Variants in NPAS3 observed in about 807,000 individuals in gnomAD.
The protein encoded by NPAS3 is neuronal PAS domain-containing protein 3.
NPAS3 carries 14 observed loss-of-function variants against 73.1 expected under a neutral mutation model. The ratio of observed to expected loss-of-function variants is 0.19; its 90% confidence interval spans 0.13 to 0.30. The LOEUF is 0.30. NPAS3 is among the 10% of genes least tolerant of loss of function. The pLI is 1.00. For synonymous variants in NPAS3, 620 were observed against 541.5 expected (o/e 1.14, Z -2.01); for missense variants, 1,096 against 1,250.0 (o/e 0.88, Z 1.86).
intron 8 of NPAS3, among the ~76,000 whole-genome samples, chr14:33,775,694 C>A (rs2062791672): frequency 6.6e-6 from 1 of 152,232 alleles, no homozygotes; most frequent in Admixed American, 6.5e-5. Flanking sequence ...AACTCTGAAT[C>A]TGCATTTCAA....
At chr14:32,964,276 A>G (rs1328477903) in intron 1 of NPAS3, among the ~76,000 whole-genome samples, 1 of 150,796 alleles carries the variant, frequency 6.6e-6, no homozygotes, top group Non-Finnish European at 1.5e-5. Context: ...ATTCAACTCT[A>G]TGGGGTAGGT....
intron 5 of NPAS3, among the ~76,000 whole-genome samples, chr14:33,594,548 A>AC (rs1212065343): frequency 6.6e-6 from 1 of 152,098 alleles, no homozygotes; most frequent in African/African-American, 2.4e-5. Flanking sequence ...CAGTCCCTTG[A>AC]CTTAGTCTCG....
intron 5 of NPAS3, among the ~76,000 whole-genome samples, chr14:33,622,045 T>TC (rs1338305004): frequency 6.6e-6 from 1 of 152,176 alleles, no homozygotes; most frequent in Non-Finnish European, 1.5e-5. Flanking sequence ...ATGACCAGTA[T>TC]CCAGCAGCCT....
chr14:33,225,830 C>G (rs1405421911), intron 3 of NPAS3, among the ~76,000 whole-genome samples: 1 of 152,036 alleles, frequency 6.6e-6, no homozygotes, highest in African/African-American at 2.4e-5. Flanking sequence ...ACTTAGGTAC[C>G]TATTTTAGAA....
chr14:33,333,165 C>A (rs1594714149), intron 3 of NPAS3, among the ~76,000 whole-genome samples: 2 of 152,244 alleles, frequency 1.3e-5, no homozygotes, highest in Non-Finnish European at 2.9e-5. Flanking sequence ...TAACCAGTTT[C>A]ACTATTTGAA....
intron 4 of NPAS3, among the ~76,000 whole-genome samples, chr14:33,418,461 C>G (rs1013152222): frequency 9.9e-5 from 15 of 152,040 alleles, no homozygotes; most frequent in Admixed American, 6.6e-4. Flanking sequence ...TCCTAAGGCA[C>G]TGAAAATAAA....
chr14:33,255,889 T>C (rs1171945683), intron 3 of NPAS3, among the ~76,000 whole-genome samples: 1 of 152,126 alleles, frequency 6.6e-6, no homozygotes, highest in Non-Finnish European at 1.5e-5. Flanking sequence ...GTCAGTAAAG[T>C]GGGTTATTGT....
intron 1 of NPAS3, among the ~76,000 whole-genome samples, chr14:32,941,270 T>C (rs1217988626): frequency 2.4e-3 from 13 of 5,488 alleles, no homozygotes; most frequent in Admixed American, 5.5e-3. Flanking sequence ...CTCCTTCCCC[T>C]CCCCTCCTCC....
intron 3 of NPAS3, among the ~76,000 whole-genome samples, chr14:33,302,754 T>C (rs1417849246): frequency 6.6e-6 from 1 of 152,176 alleles, no homozygotes. Flanking sequence ...ACAGTGATGA[T>C]CTGGTTAGTT....
At chr14:33,398,695 A>G (rs766623609) in intron 4 of NPAS3, among the ~76,000 whole-genome samples, 1 of 152,088 alleles carries the variant, frequency 6.6e-6, no homozygotes, top group Non-Finnish European at 1.5e-5. Flanking sequence ...TAAAATATTG[A>G]AATTATGTTT....
chr14:33,644,668 G>A (rs1032245223), intron 5 of NPAS3, among the ~76,000 whole-genome samples: 7 of 152,150 alleles, frequency 4.6e-5, no homozygotes, highest in Admixed American at 1.3e-4. Flanking sequence ...AGATACAAGC[G>A]GAACCCGGGG....
intron 7 of NPAS3, among the ~76,000 whole-genome samples, chr14:33,759,195 A>G (rs2062207410): frequency 6.6e-6 from 1 of 152,200 alleles, no homozygotes; most frequent in Admixed American, 6.5e-5. Flanking sequence ...TTGCTGCTTT[A>G]TTGGCATTAA....
intron 1 of NPAS3, among the ~76,000 whole-genome samples, chr14:33,012,074 G>C (rs1043242098): frequency 1.6e-5 from 1 of 61,096 alleles, no homozygotes; most frequent in African/African-American, 5.4e-5. Flanking sequence ...TAAGGCCTGG[G>C]GCTGTGCCTG....
intron 5 of NPAS3, among the ~76,000 whole-genome samples, chr14:33,581,332 A>G (rs1406185665): frequency 6.6e-6 from 1 of 152,182 alleles, no homozygotes; most frequent in Non-Finnish European, 1.5e-5. Context: ...ATTAATTTAT[A>G]TCCTGACAAG....
intron 3 of NPAS3, among the ~76,000 whole-genome samples, chr14:33,262,879 A>G (rs1191459526): frequency 6.6e-6 from 1 of 152,054 alleles, no homozygotes; most frequent in Non-Finnish European, 1.5e-5. Flanking sequence ...GCCAGTGATG[A>G]TGAGCATTTT....
At chr14:33,756,915 G>C (rs1386984998) in intron 7 of NPAS3, among the ~76,000 whole-genome samples, 4 of 152,148 alleles carry the variant, frequency 2.6e-5, no homozygotes, top group Admixed American at 2.0e-4. Context: ...AAAGGGAGGA[G>C]GACAGCACTG....
At chr14:33,101,193 T>G (rs2042566973) in intron 2 of NPAS3, among the ~76,000 whole-genome samples, 1 of 152,152 alleles carries the variant, frequency 6.6e-6, no homozygotes, top group African/African-American at 2.4e-5. Flanking sequence ...CTTGAGCATT[T>G]CTGAGTGTTT....
At chr14:33,355,483 A>G (rs2045296907) in intron 3 of NPAS3, among the ~76,000 whole-genome samples, 2 of 152,062 alleles carry the variant, frequency 1.3e-5, no homozygotes, top group Admixed American at 1.3e-4. Context: ...GTATTTTTGT[A>G]GAGATAGGGT....
chr14:33,740,357 TA>T (rs2061625812), intron 7 of NPAS3, among the ~76,000 whole-genome samples: 2 of 152,214 alleles, frequency 1.3e-5, no homozygotes, highest in Admixed American at 1.3e-4. Context: ...TTCTTTCCAA[TA>T]CCCAACATTG....
Sources: gnomAD v4.1 joint callset for allele counts (sites outside exome capture counted in the v4.1 genomes callset) on GRCh38, gnomAD v4.1.1 for gene constraint, MANE v1.5 for transcripts, NCBI Gene and HGNC (gene_info 2026-07-23, HGNC 2026-07-21) for gene names.